The following SPACDR variants were observed in gnomAD, a reference collection of about 807,000 sequenced individuals.
SPACDR encodes the protein sperm acrosome developmental regulator.
At chr7:100,463,809 C>T in the SPACDR span, 1 of 1,231,360 alleles carries the variant, frequency 8.1e-7, no homozygotes, top group Non-Finnish European at 1.2e-6. Flanking sequence ...CTTCCTTCTC[C>T]TCCAGCCCCT....
chr7:100,463,563 G>A, the SPACDR span: 1 of 1,613,972 alleles, frequency 6.2e-7, no homozygotes, highest in Non-Finnish European at 8.5e-7. Flanking sequence ...GCCTCTTTTG[G>A]GAGCTCGACC....
chr7:100,459,843 G>A, the SPACDR span, among the ~76,000 whole-genome samples: 1 of 151,982 alleles, frequency 6.6e-6, no homozygotes, highest in African/African-American at 2.4e-5. Flanking sequence ...GAAGGACATG[G>A]GTTGATTTTG....
chr7:100,464,029 T>C, the SPACDR span: 1 of 1,589,930 alleles, frequency 6.3e-7, no homozygotes, highest in East Asian at 2.3e-5. Flanking sequence ...CAACCATCTC[T>C]CTTGATGGGA....
At chr7:100,457,766 G>A in the SPACDR span, among the ~76,000 whole-genome samples, 7 of 146,562 alleles carry the variant, frequency 4.8e-5, no homozygotes, top group East Asian at 1.0e-3. Context: ...GACTACAGTC[G>A]TGCACCACCA....
At chr7:100,460,370 G>A in the SPACDR span, among the ~76,000 whole-genome samples, 14 of 151,958 alleles carry the variant, frequency 9.2e-5, no homozygotes, top group South Asian at 2.1e-4. Flanking sequence ...TGGGAGGATC[G>A]CCTGAAGTCA....
chr7:100,457,816 T>TGTGC, the SPACDR span, among the ~76,000 whole-genome samples: 1 of 100,450 alleles, frequency 1.0e-5, no homozygotes, highest in African/African-American at 4.4e-5. Flanking sequence ...TGTGTGTGTG[T>TGTGC]GTGTGTGTGT....
chr7:100,456,956 G>A, the SPACDR span: 1 of 1,613,034 alleles, frequency 6.2e-7, no homozygotes, highest in Non-Finnish European at 8.5e-7. Flanking sequence ...TCCTCACTTG[G>A]GAGCTGACTG....
the SPACDR span, among the ~76,000 whole-genome samples, chr7:100,458,102 G>A: frequency 2.6e-5 from 4 of 151,304 alleles, no homozygotes; most frequent in Non-Finnish European, 5.9e-5. Flanking sequence ...GGAAAATCTT[G>A]CAAATCTATA....
At chr7:100,457,842 T>TGTGTGTGTGTGTGTGTAC in the SPACDR span, among the ~76,000 whole-genome samples, 2 of 87,236 alleles carry the variant, frequency 2.3e-5, no homozygotes, top group African/African-American at 4.7e-5. Context: ...TGTGTGTGTG[T>TGTGTGTGTGTGTGTGTAC]ATATATATAT....
the SPACDR span, among the ~76,000 whole-genome samples, chr7:100,463,061 G>A: frequency 5.3e-5 from 8 of 150,024 alleles, no homozygotes; most frequent in African/African-American, 1.5e-4. Flanking sequence ...CCGAGATCAC[G>A]CTACTGCACT....
At chr7:100,463,477 C>T in the SPACDR span, 1 of 1,613,874 alleles carries the variant, frequency 6.2e-7, no homozygotes, top group Non-Finnish European at 8.5e-7. Flanking sequence ...GGCCCAGCTC[C>T]ACCTCGGTCT....
the SPACDR span, among the ~76,000 whole-genome samples, chr7:100,461,140 G>A: frequency 6.6e-6 from 1 of 151,952 alleles, no homozygotes; most frequent in South Asian, 2.1e-4. Flanking sequence ...CTGGAGTGCA[G>A]TGGCAGAATC....
chr7:100,457,168 CCTT>C, the SPACDR span, among the ~76,000 whole-genome samples: 1 of 151,338 alleles, frequency 6.6e-6, no homozygotes, highest in Non-Finnish European at 1.5e-5. Flanking sequence ...TCATTTCTAT[CCTT>C]TTTTTTTTTT....
At chr7:100,456,632 G>A in the SPACDR span, 1 of 751,598 alleles carries the variant, frequency 1.3e-6, no homozygotes, top group South Asian at 1.9e-5. Context: ...AGAACTATCT[G>A]ATATTTATTT....
the SPACDR span, among the ~76,000 whole-genome samples, chr7:100,460,546 T>C: frequency 6.6e-6 from 1 of 150,854 alleles, no homozygotes; most frequent in Non-Finnish European, 1.5e-5. Flanking sequence ...AACAAGATCA[T>C]GCCACTGCAC....
chr7:100,459,829 C>G, the SPACDR span, among the ~76,000 whole-genome samples: 1 of 152,156 alleles, frequency 6.6e-6, no homozygotes, highest in African/African-American at 2.4e-5. Flanking sequence ...ACCATTCACC[C>G]ACTGAAGGAC....
At chr7:100,464,023 C>A in the SPACDR span, 1 of 1,556,430 alleles carries the variant, frequency 6.4e-7, no homozygotes, top group South Asian at 1.1e-5. Flanking sequence ...TGACCACAAC[C>A]ATCTCTCTTG....
chr7:100,460,046 C>T, the SPACDR span, among the ~76,000 whole-genome samples: 37 of 152,038 alleles, frequency 2.4e-4, no homozygotes, highest in African/African-American at 7.9e-4. Context: ...CCCGCCACCA[C>T]GCCCGACTAA....
the SPACDR span, chr7:100,463,400 G>C: frequency 6.2e-7 from 1 of 1,612,120 alleles, no homozygotes; most frequent in Non-Finnish European, 8.5e-7. Context: ...CTGCAGGGCA[G>C]AGACCATGAG....
Sources: allele counts gnomAD v4.1 joint callset (sites outside exome capture counted in the v4.1 genomes callset), GRCh38; gene constraint gnomAD v4.1.1; transcripts MANE v1.5; gene names NCBI Gene and HGNC (gene_info 2026-07-23, HGNC 2026-07-21).